Variants in FNBP1L observed in about 807,000 individuals in gnomAD.
FNBP1L encodes the protein formin-binding protein 1-like.
Under a neutral mutation model 91.2 loss-of-function variants are expected in FNBP1L, and 36 were observed. The observed-to-expected ratio is 0.39, with a 90% CI of 0.30 to 0.52. FNBP1L has a LOEUF of 0.52. FNBP1L is among the 20% of genes least tolerant of loss of function. The probability of loss-of-function intolerance (pLI) is 0.66; values close to 1 mark genes in which losing one functional copy is unlikely to be tolerated. For missense variants in FNBP1L, 571 were observed against 732.1 expected, an observed-to-expected ratio of 0.78 and a Z score of 2.54; for synonymous variants, 242 against 237.0, an observed-to-expected ratio of 1.02 and a Z score of -0.19.
At chr1:93,519,650 T>C (rs1372273331) in intron 2 of FNBP1L, among the ~76,000 whole-genome samples, 2 of 152,182 alleles carry the variant, frequency 1.3e-5, no homozygotes, top group Non-Finnish European at 2.9e-5. Flanking sequence ...ACATATTAAA[T>C]ATCAGCAAAA....
intron 1 of FNBP1L, among the ~76,000 whole-genome samples, chr1:93,478,034 CTG>C (rs1490409523): frequency 6.6e-6 from 1 of 152,184 alleles, no homozygotes; most frequent in Admixed American, 6.5e-5. Context: ...AATAAGCAAA[CTG>C]TGAATAATTC....
intron 1 of FNBP1L, among the ~76,000 whole-genome samples, chr1:93,454,206 G>A (rs551455099): frequency 1.1e-4 from 17 of 152,268 alleles, no homozygotes; most frequent in African/African-American, 3.1e-4. Context: ...CTAGTGTTGC[G>A]TTTGACTTGA....
In FNBP1L at chr1:93,532,941, A is replaced by G; in HGVS notation, c.659A>G (p.Glu220Gly). 2 of 1,604,730 alleles carry G rather than the reference A, an allele frequency of 1.2e-6. No homozygotes were observed. Among genetic ancestry groups the G allele is most frequent in the Non-Finnish European group, 8.5e-7 (1 of 1,175,388 alleles). Residue 220 changes from glutamate (E) to glycine (G), a missense_variant, in exon 8 of 17, where the codon GAA (glutamate) becomes GGA (glycine). By Grantham distance (98) the Glu-to-Gly change is moderately conservative. Transcript: ENST00000271234. ...TATTAGCAACTACAAGAAATGGACG[A>G]ACGAAGGACTATTAAACTCAGTGAG... is the stretch of plus-strand genomic sequence containing the variant. ...QIYKQLQEMD[E>G]RRTIKLSECY...
chr1:93,498,266 G>GT (rs1390145206), intron 1 of FNBP1L, among the ~76,000 whole-genome samples: 9 of 151,590 alleles, frequency 5.9e-5, no homozygotes, highest in African/African-American at 1.5e-4. Context: ...AAGTGTTGTT[G>GT]TTTTTTTTGT....
chr1:93,481,588 A>G (rs942681059), intron 1 of FNBP1L, among the ~76,000 whole-genome samples: 2 of 152,212 alleles, frequency 1.3e-5, no homozygotes, highest in Admixed American at 6.5e-5. Context: ...TGAAATGAAC[A>G]TACGGTAAAA....
At chr1:93,514,481 C>T (rs1265938473) in intron 2 of FNBP1L, among the ~76,000 whole-genome samples, 10 of 151,808 alleles carry the variant, frequency 6.6e-5, no homozygotes, top group Non-Finnish European at 1.2e-4. Context: ...GCCAAAAGAA[C>T]AAAGCTGGAG....
chr1:93,524,157 G>A, intron 4 of FNBP1L, 104 bp from the exon 5 acceptor site: 1 of 844,430 alleles, frequency 1.2e-6, no homozygotes. Flanking sequence ...AAAGTGAAAA[G>A]CCTTTTGGGG....
chr1:93,493,143 A>G (rs956387496), intron 1 of FNBP1L, among the ~76,000 whole-genome samples: 15 of 152,128 alleles, frequency 9.9e-5, no homozygotes, highest in African/African-American at 3.6e-4. Context: ...ATGCGCCTAT[A>G]GTCCCAGCTA....
intron 5 of FNBP1L, among the ~76,000 whole-genome samples, chr1:93,525,490 T>C (rs1176677644): frequency 6.6e-6 from 1 of 152,186 alleles, no homozygotes; most frequent in Admixed American, 6.5e-5. Flanking sequence ...CAAGTATTTA[T>C]GTTGATTAAG....
chr1:93,551,040 A>T lies in FNBP1L; in HGVS notation c.1745A>T (p.Gln582Leu), dbSNP rs764126446. Residue 582 changes from glutamine to leucine, a missense_variant, in exon 16 of 17, where the codon CAG becomes CTG. By Grantham distance (113) the Gln-to-Leu change is moderately radical. This residue lies in a region of FNBP1L where 189 missense variants were observed against 219.7 expected (regional missense o/e 0.86). Coordinates refer to ENST00000271234, the MANE Select transcript of FNBP1L (RefSeq NM_001164473.3). ...GACGGATGGACAAGAGCTCGGAGAC[A>T]GAACGGTGAAGAAGGCTACGTTCCC... is the stretch of plus-strand genomic sequence containing the variant. ...KGDGWTRARR[Q>L]NGEEGYVPTS... 6.2e-7 allele frequency: 1 copy of T among 1,613,010 alleles called. No individual in the cohort carries two copies. Among genetic ancestry groups the T allele is most frequent in the Admixed American group, 1.7e-5 (1 of 59,852 alleles).
In FNBP1L at chr1:93,493,904, T is replaced by A. The variant is rs946402048; in HGVS notation, c.25-5564T>A. 6.7e-4 allele frequency among the ~76,000 whole-genome samples: 102 copies of A among 152,324 alleles called. 1 individual carries two copies. The highest frequency in any genetic ancestry group is 3.4e-3 in the Middle Eastern group (1 of 294). On this transcript the variant is annotated intron_variant, in intron 1 of 16. Transcript: ENST00000271234. ...TCTTGCTAAAAGGAAAAAGTGTTCCTTCTGACACCAAACACATGAGTTTTT... is the reference window on the plus strand; with the variant it reads ...TCTTGCTAAAAGGAAAAAGTGTTCCATCTGACACCAAACACATGAGTTTTT...
In FNBP1L at chr1:93,530,771, A is replaced by G. The variant is rs1200860934; in HGVS notation, c.527A>G (p.Asn176Ser). 2 of 1,597,078 alleles carry G rather than the reference A, an allele frequency of 1.3e-6. No individual in the cohort carries two copies. Among genetic ancestry groups the G allele is most frequent in the South Asian group, 1.1e-5 (1 of 87,604 alleles). Reference sequence around the variant, plus strand: ...TGCCCCTAGGCCAAACAGCAGTTGAATCTGCGTACGCATATGGCCGATGAA... The same window carrying G: ...TGCCCCTAGGCCAAACAGCAGTTGAGTCTGCGTACGCATATGGCCGATGAA... ...ADVEKAKQQL[N>S]LRTHMADENK... The change falls in exon 7 of 17, where the codon AAT becomes AGT. Residue 176 changes from asparagine to serine, a missense_variant. Physicochemically the swap from Asn to Ser is conservative, Grantham distance 46 (BLOSUM62 1). Transcript: ENST00000271234.
chr1:93,465,804 A>C (rs1017616695), intron 1 of FNBP1L, among the ~76,000 whole-genome samples: 3 of 152,164 alleles, frequency 2.0e-5, no homozygotes, highest in Non-Finnish European at 4.4e-5. Flanking sequence ...AGTTGAACTA[A>C]TTTACAGTCC....
chr1:93,478,981 C>G (rs1258350796), intron 1 of FNBP1L, among the ~76,000 whole-genome samples: 3 of 152,172 alleles, frequency 2.0e-5, no homozygotes, highest in African/African-American at 7.2e-5. Context: ...AAACTTAAAG[C>G]AAAATTTGTA....
intron 2 of FNBP1L, among the ~76,000 whole-genome samples, chr1:93,503,948 A>G (rs372303012): frequency 2.0e-5 from 3 of 152,294 alleles, no homozygotes; most frequent in South Asian, 2.1e-4. Flanking sequence ...CAGAGCATAC[A>G]TAAATTTTTG....
chr1:93,458,129 T>TC (rs1668735155), intron 1 of FNBP1L, among the ~76,000 whole-genome samples: 1 of 144,384 alleles, frequency 6.9e-6, no homozygotes, highest in African/African-American at 2.9e-5. Context: ...TAATTTTTGC[T>TC]ATTTTGATTT....
At chr1:93,497,976 A>AT (rs1670323816) in intron 1 of FNBP1L, among the ~76,000 whole-genome samples, 1 of 152,014 alleles carries the variant, frequency 6.6e-6, no homozygotes, top group Admixed American at 6.6e-5. Flanking sequence ...TGTTAAAAAA[A>AT]AAAACTGTTT....
chr1:93,518,335 G>T (rs1260252328), intron 2 of FNBP1L, among the ~76,000 whole-genome samples: 1 of 152,058 alleles, frequency 6.6e-6, no homozygotes, highest in East Asian at 1.9e-4. Context: ...AAGATATTAC[G>T]GTAGCTTCCA....
chr1:93,504,914 T>C (rs1308417560), intron 2 of FNBP1L, among the ~76,000 whole-genome samples: 1 of 152,204 alleles, frequency 6.6e-6, no homozygotes, highest in East Asian at 1.9e-4. Context: ...TGTCCTTCTA[T>C]GCATTGAAGT....
Sources: gnomAD v4.1 joint callset for allele counts (sites outside exome capture counted in the v4.1 genomes callset) on GRCh38, gnomAD v4.1.1 for gene constraint, gnomAD v4.1.1 regional missense constraint, MANE v1.5 for transcripts, NCBI Gene and HGNC (gene_info 2026-07-23, HGNC 2026-07-21) for gene names.